Variants in NAV2 observed in about 807,000 individuals in gnomAD.
NAV2 encodes helicase, APC down-regulated 1.
NAV2 carries 54 observed loss-of-function variants against 223.2 expected under a neutral mutation model. That is an observed-to-expected ratio of 0.24 (90% CI 0.19 to 0.30). The LOEUF (loss-of-function observed/expected upper bound fraction) is 0.30, where lower values mean the gene tolerates loss of function less well. NAV2 is among the 10% of genes least tolerant of loss of function. The pLI is 1.00. For synonymous variants in NAV2, 1,279 were observed against 1,239.3 expected (o/e 1.03, Z -0.67); for missense variants, 2,806 against 3,147.5 (o/e 0.89, Z 2.60).
chr11:19,878,850 C>T (rs766610104), intron 4 of NAV2, among the ~76,000 whole-genome samples: 7 of 152,162 alleles, frequency 4.6e-5, no homozygotes, highest in South Asian at 2.1e-4. Flanking sequence ...TTTCCCAGCC[C>T]GGGGCTAACC....
At chr11:19,718,246 G>T (rs1311257619) in intron 1 of NAV2, among the ~76,000 whole-genome samples, 1 of 152,186 alleles carries the variant, frequency 6.6e-6, no homozygotes, top group Non-Finnish European at 1.5e-5. Context: ...TGTTTGTTCA[G>T]AAACTCTCTC....
At chr11:20,060,578 G>A (rs1362502788) in intron 19 of NAV2, among the ~76,000 whole-genome samples, 1 of 152,240 alleles carries the variant, frequency 6.6e-6, no homozygotes, top group Non-Finnish European at 1.5e-5. Flanking sequence ...ACAGCTTAGA[G>A]CATTAGGGAG....
rs1349135789 is a variant in NAV2 at position 19,501,087 on chromosome 11, A to G, written c.75+150060A>G. Among the ~76,000 whole-genome samples the G allele has an allele frequency of 3.3e-5, 5 of 152,024 alleles. 1 individual carries two copies. The highest frequency in any genetic ancestry group is 3.3e-4 in the Admixed American group (5 of 15,262). ...TCCTTTGTTCATGGCTCCTCCTTCC[A>G]TCTTCAAAGTCAGCAACCTTGCCTC... On this transcript the variant is annotated intron_variant, in intron 1 of 37. Coordinates refer to the NAV2 transcript ENST00000360655.
At chr11:19,389,703 A>C (rs889506941) in intron 1 of NAV2, among the ~76,000 whole-genome samples, 5 of 152,194 alleles carry the variant, frequency 3.3e-5, no homozygotes, top group Non-Finnish European at 7.3e-5. Flanking sequence ...GTACTTTTAA[A>C]ATGTTTATGG....
At position 19,548,597 on chromosome 11, in the gene NAV2, G is replaced by A. The variant is rs192874015; in HGVS notation, c.75+197570G>A. Reference sequence around the variant, plus strand: ...TTTAAAAACACTCTTGGCCAGCAGCGGTGGCTCACACCTGTAATCCCAGCA... The same window carrying A: ...TTTAAAAACACTCTTGGCCAGCAGCAGTGGCTCACACCTGTAATCCCAGCA... On this transcript the variant is annotated intron_variant, in intron 1 of 37. Transcript: ENST00000360655. 1.1e-3 allele frequency among the ~76,000 whole-genome samples: 169 copies of A among 152,058 alleles called. 1 individual carries two copies. Among genetic ancestry groups the A allele is most frequent in the South Asian group, 4.0e-3 (19 of 4,808 alleles).
chr11:19,588,624 A>C (rs2045965183), intron 1 of NAV2, among the ~76,000 whole-genome samples: 1 of 152,222 alleles, frequency 6.6e-6, no homozygotes, highest in Non-Finnish European at 1.5e-5. Flanking sequence ...CTACCATTGG[A>C]GACATAGGTT....
rs12365168 is a variant in NAV2, at chr11:20,088,340, C to T, written c.5499-2525C>T. 4.0e-3 allele frequency among the ~76,000 whole-genome samples: 615 copies of T among 152,274 alleles called. 2 individuals are homozygous for T. The highest frequency in any genetic ancestry group is 3.8e-3 in the Non-Finnish European group (259 of 68,022). On this transcript the variant is annotated intron_variant, in intron 26 of 37. Coordinates refer to ENST00000349880, the MANE Select transcript of NAV2 (RefSeq NM_145117.5). Reference sequence around the variant, plus strand: ...TTACAAGTGCCCGCCACCAAAGCTACACCACCCAGCTAATTTGTGTATTTT... The same window carrying T: ...TTACAAGTGCCCGCCACCAAAGCTATACCACCCAGCTAATTTGTGTATTTT...
At chr11:19,741,986 C>T (rs187943755) in intron 1 of NAV2, among the ~76,000 whole-genome samples, 74 of 148,410 alleles carry the variant, frequency 5.0e-4, no homozygotes, top group Middle Eastern at 3.4e-3. Context: ...TACCTTTTCT[C>T]CACATCCTTG....
At chr11:20,090,678 G>A (rs979819966) in intron 26 of NAV2, among the ~76,000 whole-genome samples, 187 bp from the exon 27 acceptor site, 12 of 151,950 alleles carry the variant, frequency 7.9e-5, no homozygotes, top group South Asian at 2.1e-4. Context: ...ATTTAAAGAA[G>A]AAAAAAAGAA....
chr11:19,620,776 G>A (rs1423623339), intron 1 of NAV2, among the ~76,000 whole-genome samples: 1 of 152,058 alleles, frequency 6.6e-6, no homozygotes, highest in East Asian at 1.9e-4. Flanking sequence ...TGATTGCCCT[G>A]GCCAGAACTT....
chr11:19,821,647 T>C (rs2059387996), intron 1 of NAV2, among the ~76,000 whole-genome samples: 2 of 152,252 alleles, frequency 1.3e-5, no homozygotes, highest in African/African-American at 4.8e-5. Flanking sequence ...ACTCATGTTA[T>C]ATTGGCATTT....
intron 11 of NAV2, among the ~76,000 whole-genome samples, chr11:20,002,593 A>T (rs16937344): frequency 4.6e-5 from 7 of 152,092 alleles, no homozygotes; most frequent in African/African-American, 1.7e-4. Flanking sequence ...CCGGTTTGGT[A>T]GAAAGGAAGA....
chr11:19,458,279 G>C (rs1852029779), intron 1 of NAV2, among the ~76,000 whole-genome samples: 1 of 152,216 alleles, frequency 6.6e-6, no homozygotes, highest in Non-Finnish European at 1.5e-5. Context: ...CTTGTGCTGG[G>C]TGACCAGCCA....
chr11:19,840,977 TAAAC>T (rs1314705228), intron 2 of NAV2, among the ~76,000 whole-genome samples: 1 of 152,238 alleles, frequency 6.6e-6, no homozygotes, highest in African/African-American at 2.4e-5. Context: ...TATTTTCTAA[TAAAC>T]AGAAGAACAA....
chr11:19,428,807 A>G (rs1339475155), intron 1 of NAV2, among the ~76,000 whole-genome samples: 2 of 152,248 alleles, frequency 1.3e-5, no homozygotes, highest in African/African-American at 4.8e-5. Flanking sequence ...TGAAATGAGC[A>G]GAGGTGTACA....
At chr11:19,890,514 C>T (rs573644136) in intron 5 of NAV2, among the ~76,000 whole-genome samples, 2 of 152,272 alleles carry the variant, frequency 1.3e-5, no homozygotes, top group South Asian at 2.1e-4. Flanking sequence ...CTGTGACCTG[C>T]GTTCCCCTAC....
chr11:19,963,417 C>T (rs1000004774), intron 10 of NAV2, among the ~76,000 whole-genome samples: 5 of 152,132 alleles, frequency 3.3e-5, no homozygotes, highest in African/African-American at 1.2e-4. Flanking sequence ...TATAGCTAGT[C>T]CCCACACTCT....
rs989978076 is a variant in NAV2 at position 19,713,660 on chromosome 11, A to G, written c.-36A>G. 6.6e-7 allele frequency: 1 copy of G among 1,504,516 alleles called. No individual in the cohort carries two copies. Among genetic ancestry groups the G allele is most frequent in the East Asian group, 2.4e-5 (1 of 42,340 alleles). 93.2% of individuals were successfully genotyped at this position (1,504,516 alleles called of 1,614,324 possible). On this transcript the variant is annotated 5_prime_UTR_variant, in exon 1 of 38. Coordinates refer to ENST00000349880, the MANE Select transcript of NAV2 (RefSeq NM_145117.5). This position sits in a 1 kb window ranked among gnomAD's most constrained non-coding sequence, Gnocchi z 7.2. ...AGCGGTCGCCCCCGCCGCCGCTGCCAGGGACGTGCTGGGAAAGCCCAAGCC... is the reference window on the plus strand; with the variant it reads ...AGCGGTCGCCCCCGCCGCCGCTGCCGGGGACGTGCTGGGAAAGCCCAAGCC...
intron 11 of NAV2, chr11:20,022,800 T>C: frequency 8.2e-7 from 1 of 1,221,204 alleles, no homozygotes; most frequent in African/African-American, 1.5e-5. Context: ...TTTACGGTAA[T>C]GGTTTCAGAG....
Sources: allele counts gnomAD v4.1 joint callset (sites outside exome capture counted in the v4.1 genomes callset), GRCh38; gene constraint gnomAD v4.1.1; non-coding constraint Gnocchi (gnomAD v3.1); transcripts MANE v1.5; gene names NCBI Gene and HGNC (gene_info 2026-07-23, HGNC 2026-07-21).